SORCS2: variants seen among roughly 807,000 people sequenced by gnomAD.
The protein encoded by SORCS2 is VPS10 domain-containing receptor SorCS2.
In SORCS2, 100 loss-of-function variants were observed where a neutral mutation model predicts 141.6. The ratio of observed to expected loss-of-function variants is 0.71; its 90% CI spans 0.60 to 0.83. The LOEUF is 0.83. Ranked by LOEUF, SORCS2 falls within the 40% of genes least tolerant of loss-of-function variation. SORCS2 has a pLI of 0.00. For missense variants in SORCS2, 1,646 were observed against 1,560.2 expected, an observed-to-expected ratio of 1.05 and a Z score of -0.93; for synonymous variants, 789 against 676.9, an observed-to-expected ratio of 1.17 and a Z score of -2.57.
intron 2 of SORCS2, among the ~76,000 whole-genome samples, chr4:7,469,682 C>T (rs1423041457): frequency 6.6e-6 from 1 of 152,216 alleles, no homozygotes; most frequent in Non-Finnish European, 1.5e-5. Flanking sequence ...GACCCTGCCT[C>T]CAGAGATTCT....
chr4:7,530,854 C>T (rs1009537073), intron 2 of SORCS2, among the ~76,000 whole-genome samples: 4 of 152,172 alleles, frequency 2.6e-5, no homozygotes, highest in Admixed American at 6.5e-5. Flanking sequence ...AAGGAGGTAC[C>T]GAGTGGACAG....
At chr4:7,538,006 A>G (rs1000643288) in intron 3 of SORCS2, among the ~76,000 whole-genome samples, 2 of 152,118 alleles carry the variant, frequency 1.3e-5, no homozygotes, top group Non-Finnish European at 2.9e-5. Context: ...AAAGGGGGCA[A>G]AGTCAGCCTT....
intron 3 of SORCS2, among the ~76,000 whole-genome samples, chr4:7,562,817 G>T (rs1019415025): frequency 1.2e-4 from 18 of 152,126 alleles, no homozygotes; most frequent in Admixed American, 3.9e-4. Context: ...CTCCATCTCT[G>T]CAGCTGCCTT....
chr4:7,470,668 T>C (rs1277905200), intron 2 of SORCS2, among the ~76,000 whole-genome samples: 1 of 152,070 alleles, frequency 6.6e-6, no homozygotes, highest in African/African-American at 2.4e-5. Flanking sequence ...GGGCGATGAT[T>C]GGAGAGACAG....
At chr4:7,620,336 C>T (rs969055195) in intron 3 of SORCS2, among the ~76,000 whole-genome samples, 1 of 152,186 alleles carries the variant, frequency 6.6e-6, no homozygotes, top group South Asian at 2.1e-4. Context: ...TGCGAGTGTC[C>T]GGCAGTCTCT....
At chr4:7,685,129 T>C (rs918748594) in intron 10 of SORCS2, among the ~76,000 whole-genome samples, 11 of 152,250 alleles carry the variant, frequency 7.2e-5, no homozygotes, top group African/African-American at 2.7e-4. Flanking sequence ...AATTTTTGTA[T>C]CATCATTGGC....
chr4:7,219,275 C>A (rs544437821), intron 1 of SORCS2, among the ~76,000 whole-genome samples: 1 of 151,996 alleles, frequency 6.6e-6, no homozygotes, highest in African/African-American at 2.4e-5. Flanking sequence ...GTAACCCATG[C>A]GACAGCCTGT....
intron 18 of SORCS2, among the ~76,000 whole-genome samples, chr4:7,721,217 C>T (rs1056177719): frequency 6.6e-6 from 1 of 152,192 alleles, no homozygotes; most frequent in Non-Finnish European, 1.5e-5. Context: ...GTGATCCCAG[C>T]AGTTTGGGAG....
At chr4:7,427,216 A>G (rs1216242845) in intron 2 of SORCS2, among the ~76,000 whole-genome samples, 1 of 152,068 alleles carries the variant, frequency 6.6e-6, no homozygotes. Flanking sequence ...GCCTCTCGGT[A>G]GAAGAGCAAA....
chr4:7,619,824 C>G, intron 3 of SORCS2, among the ~76,000 whole-genome samples: 1 of 152,096 alleles, frequency 6.6e-6, no homozygotes, highest in East Asian at 1.9e-4. Context: ...TAGGAGCACA[C>G]GCATGTACAC....
chr4:7,619,477 C>G (rs796174058), intron 3 of SORCS2, among the ~76,000 whole-genome samples: 33 of 152,300 alleles, frequency 2.2e-4, no homozygotes, highest in African/African-American at 7.9e-4. Context: ...ACCCTGCCCA[C>G]TCCACCTCTT....
At chr4:7,714,441 C>T (rs1435418029) in intron 16 of SORCS2, 68 bp downstream of exon 16, 17 of 1,507,372 alleles carry the variant, frequency 1.1e-5, no homozygotes, top group Non-Finnish European at 1.5e-5. Flanking sequence ...ATGGCGGCCA[C>T]TTCCCTCAGA....
rs182565414 is a variant in SORCS2 at position 7,546,294 on chromosome 4, C to A, written c.648+14665C>A. Among the ~76,000 whole-genome samples, 25 of 152,298 alleles carry A rather than the reference C, an allele frequency of 1.6e-4. No individual in the cohort carries two copies. The South Asian group carries it at 3.5e-3, about 21-fold the overall frequency. ...AAAGCCAAGGCTCAATTCACCAAGG[C>A]CTCCCTCCAGGTCCTGTGTCTTCTC... is the stretch of plus-strand genomic sequence containing the variant. On this transcript the variant is annotated intron_variant, in intron 3 of 26. Coordinates refer to ENST00000507866, the MANE Select transcript of SORCS2 (RefSeq NM_020777.3).
intron 3 of SORCS2, among the ~76,000 whole-genome samples, chr4:7,571,419 G>A (rs1304595670): frequency 2.0e-5 from 3 of 152,186 alleles, no homozygotes; most frequent in Admixed American, 6.5e-5. Context: ...GGTTGGGGAC[G>A]GGAAATTGAG....
chr4:7,536,719 A>T (rs1388232567), intron 3 of SORCS2, among the ~76,000 whole-genome samples: 1 of 152,098 alleles, frequency 6.6e-6, no homozygotes, highest in African/African-American at 2.4e-5. Context: ...GGCCTTTATC[A>T]TTGCATGAAA....
At chr4:7,377,166 T>C (rs1464397014) in intron 1 of SORCS2, among the ~76,000 whole-genome samples, 1 of 152,240 alleles carries the variant, frequency 6.6e-6, no homozygotes. Context: ...ATAACATTGT[T>C]TGTCTTTTTT....
chr4:7,288,533 G>C (rs1716379833), intron 1 of SORCS2, among the ~76,000 whole-genome samples: 1 of 122,540 alleles, frequency 8.2e-6, no homozygotes, highest in South Asian at 3.3e-4. Flanking sequence ...TGGGATGGCA[G>C]CCTCTTCTCC....
chr4:7,610,746 G>T (rs1041259790), intron 3 of SORCS2, among the ~76,000 whole-genome samples: 1 of 152,144 alleles, frequency 6.6e-6, no homozygotes, highest in Admixed American at 6.5e-5. Flanking sequence ...TAACAAAGGG[G>T]CCAACAAGTA....
intron 1 of SORCS2, among the ~76,000 whole-genome samples, chr4:7,386,291 C>A (rs557326978): frequency 1.2e-5 from 1 of 84,566 alleles, no homozygotes; most frequent in Admixed American, 1.1e-4. Context: ...CATGCACACA[C>A]ATGCACACAC....
Sources: gnomAD v4.1 joint callset for allele counts (sites outside exome capture counted in the v4.1 genomes callset) on GRCh38, gnomAD v4.1.1 for gene constraint, MANE v1.5 for transcripts, NCBI Gene and HGNC (gene_info 2026-07-23, HGNC 2026-07-21) for gene names.